FMNL2: variants seen among roughly 807,000 people sequenced by gnomAD.
FMNL2 encodes formin like 2.
A neutral mutation model predicts 130.2 loss-of-function variants in FMNL2; 51 were observed. The ratio of observed to expected loss-of-function variants is 0.39; its 90% confidence interval spans 0.31 to 0.49. The LOEUF is 0.49. FMNL2 is among the 20% of genes least tolerant of loss of function. The pLI, the probability that FMNL2 is intolerant of heterozygous loss-of-function variation, is 0.85. For synonymous variants in FMNL2, 465 were observed against 467.1 expected (o/e 1.00, Z 0.06); for missense variants, 977 against 1,316.2 (o/e 0.74, Z 3.99).
intron 3 of FMNL2, among the ~76,000 whole-genome samples, chr2:152,547,967 A>G (rs1694737400): frequency 1.3e-5 from 2 of 152,212 alleles, no homozygotes; most frequent in African/African-American, 2.4e-5. Context: ...CTGATGTGCA[A>G]TGTAGCCCAT....
chr2:152,551,804 C>T (rs1175766721), intron 4 of FMNL2, among the ~76,000 whole-genome samples: 2 of 152,092 alleles, frequency 1.3e-5, no homozygotes, highest in Non-Finnish European at 2.9e-5. Context: ...TTACTTGAGC[C>T]CAAGAGTTTG....
At chr2:152,530,203 G>A (rs1265459928) in intron 2 of FMNL2, among the ~76,000 whole-genome samples, 1 of 152,174 alleles carries the variant, frequency 6.6e-6, no homozygotes, top group Non-Finnish European at 1.5e-5. Flanking sequence ...CTATCTTTTA[G>A]AAAATCATTG....
chr2:152,428,669 A>C (rs1216009433), intron 1 of FMNL2, among the ~76,000 whole-genome samples: 1 of 152,120 alleles, frequency 6.6e-6, no homozygotes, highest in Non-Finnish European at 1.5e-5. Flanking sequence ...ATATCTAGGG[A>C]GGTTGAGAAG....
In FMNL2 at chr2:152,617,133, A is replaced by C. The variant is rs1698996169; in HGVS notation, c.1255A>C (p.Lys419Gln). The C allele has an allele frequency of 2.5e-6, 4 of 1,613,896 alleles. No individual in the cohort carries two copies. Among genetic ancestry groups the C allele is most frequent in the Non-Finnish European group, 3.4e-6 (4 of 1,179,900 alleles). ...AGACACAGAGAATGAAGCCATGTCC[A>C]AGATTGTGGAACTGGAAAAGCAACT... ...LQDTENEAMS[K>Q]IVELEKQLMQ... The change falls in exon 13 of 26, where the codon AAG (lysine) becomes CAG (glutamine). Residue 419 changes from lysine to glutamine, a missense_variant. Transcript: ENST00000288670.
intron 1 of FMNL2, among the ~76,000 whole-genome samples, chr2:152,416,067 A>G (rs16831069): frequency 0.3 from 45,684 of 152,064 alleles, 7,363 homozygotes; most frequent in Middle Eastern, 0.44. Context: ...AGCATCTGCC[A>G]AGCATGGATG....
chr2:152,338,751 G>T (rs1240022285), intron 1 of FMNL2, among the ~76,000 whole-genome samples: 1 of 151,636 alleles, frequency 6.6e-6, no homozygotes, highest in East Asian at 1.9e-4. Flanking sequence ...AAAAATTACT[G>T]TCTTAGTGTA....
At chr2:152,444,920 T>G (rs1688256738) in intron 1 of FMNL2, among the ~76,000 whole-genome samples, 1 of 152,248 alleles carries the variant, frequency 6.6e-6, no homozygotes, top group Non-Finnish European at 1.5e-5. Context: ...GTCCTCTTCA[T>G]GACCCCTCTT....
Position 152,617,161 on chromosome 2 carries a change from T to G in FMNL2, c.1283T>G (p.Met428Arg). 3 of 1,613,942 alleles carry G rather than the reference T, an allele frequency of 1.9e-6. No homozygotes were observed. Among genetic ancestry groups the G allele is most frequent in the Non-Finnish European group, 2.5e-6 (3 of 1,179,874 alleles). Residue 428 changes from methionine (M) to arginine (R), a missense_variant, in exon 13 of 26, where the codon ATG becomes AGG. Transcript: ENST00000288670. ...ATTGTGGAACTGGAAAAGCAACTCA[T>G]GCAGAGGAACAAGGAGCTGGATGTC... ...SKIVELEKQL[M>R]QRNKELDVVR...
chr2:152,592,026 C>T (rs1057426792), intron 9 of FMNL2, among the ~76,000 whole-genome samples: 7 of 152,130 alleles, frequency 4.6e-5, no homozygotes. Flanking sequence ...TCGCTTGAAC[C>T]CGGGAGGCAG....
intron 10 of FMNL2, among the ~76,000 whole-genome samples, chr2:152,609,203 A>G (rs1580088369): frequency 6.6e-6 from 1 of 152,212 alleles, no homozygotes; most frequent in African/African-American, 2.4e-5. Context: ...TATACATGCA[A>G]TGAGGTACCT....
chr2:152,508,802 C>T (rs1692324886), intron 1 of FMNL2, among the ~76,000 whole-genome samples: 1 of 152,172 alleles, frequency 6.6e-6, no homozygotes, highest in Admixed American at 6.5e-5. Flanking sequence ...AGCTGAGACG[C>T]ACAGAGGGTC....
chr2:152,463,686 G>T (rs763697892), intron 1 of FMNL2, among the ~76,000 whole-genome samples: 4 of 152,342 alleles, frequency 2.6e-5, no homozygotes, highest in Non-Finnish European at 4.4e-5. Flanking sequence ...AAATTTAGGA[G>T]CAGTGAGCTT....
Position 152,341,339 on chromosome 2 carries a change from G to A in FMNL2, c.117+5619G>A, listed in dbSNP as rs1681792391. 2.0e-5 allele frequency among the ~76,000 whole-genome samples: 3 copies of A among 152,202 alleles called. No individual in the cohort carries two copies. The South Asian group carries it at 6.2e-4, about 32-fold the overall frequency. On this transcript the variant is annotated intron_variant, in intron 1 of 25. Coordinates refer to ENST00000288670, the MANE Select transcript of FMNL2 (RefSeq NM_052905.4). ...CCTCCTAATAATACCAGTAAAAACT[G>A]TGACAATATATTGGGGTATCTAGGA...
intron 25 of FMNL2, among the ~76,000 whole-genome samples, chr2:152,645,263 G>T (rs963647734): frequency 1.3e-5 from 2 of 152,158 alleles, no homozygotes; most frequent in African/African-American, 4.8e-5. Context: ...GTGGGAAGAT[G>T]CACTCATCCT....
intron 1 of FMNL2, among the ~76,000 whole-genome samples, chr2:152,448,482 T>C (rs6747765): frequency 0.46 from 69,673 of 152,036 alleles, 17,680 homozygotes; most frequent in East Asian, 0.71. Flanking sequence ...ACTGTCCTCT[T>C]AGTTCAAACC....
rs564397254 is a variant in FMNL2 at position 152,584,025 on chromosome 2, G to A, written c.876+2976G>A. Among the ~76,000 whole-genome samples, 4 of 152,264 alleles carry A rather than the reference G, an allele frequency of 2.6e-5. No homozygotes were observed. In the South Asian group the frequency reaches 8.3e-4, roughly 32 times the overall value. Reference sequence around the variant, plus strand: ...TTTATCCAATCTTGAGGTGCAAAAGGTGTTATTCTGTGTTGATCTTGCTTT... The same window carrying A: ...TTTATCCAATCTTGAGGTGCAAAAGATGTTATTCTGTGTTGATCTTGCTTT... On this transcript the variant is annotated intron_variant, in intron 9 of 25. Transcript: ENST00000288670.
chr2:152,601,785 T>C (rs1232162551), intron 9 of FMNL2, among the ~76,000 whole-genome samples: 1 of 151,232 alleles, frequency 6.6e-6, no homozygotes, highest in Non-Finnish European at 1.5e-5. Flanking sequence ...TTCTCCTGCC[T>C]CAGCCTTCCT....
intron 1 of FMNL2, among the ~76,000 whole-genome samples, chr2:152,349,913 G>A (rs747286145): frequency 1.3e-5 from 2 of 152,096 alleles, no homozygotes; most frequent in South Asian, 2.1e-4. Context: ...TTTCTTGAGC[G>A]TTTACTGTGT....
intron 1 of FMNL2, among the ~76,000 whole-genome samples, chr2:152,340,536 G>A (rs939795030): frequency 6.6e-6 from 1 of 152,198 alleles, no homozygotes; most frequent in Non-Finnish European, 1.5e-5. Flanking sequence ...GTCCAAAAAG[G>A]TGCTCTTCAG....
Sources: gnomAD v4.1 joint callset for allele counts (sites outside exome capture counted in the v4.1 genomes callset) on GRCh38, gnomAD v4.1.1 for gene constraint, MANE v1.5 for transcripts, NCBI Gene and HGNC (gene_info 2026-07-23, HGNC 2026-07-21) for gene names.